The following FGD4 variants were observed in gnomAD, a reference collection of about 807,000 sequenced individuals.
FGD4 encodes the protein FYVE, RhoGEF and PH domain-containing protein 4.
In FGD4, 42 loss-of-function variants were observed where a neutral mutation model predicts 102.0. That is an observed-to-expected ratio of 0.41 (90% confidence interval 0.32 to 0.53). The LOEUF (loss-of-function observed/expected upper bound fraction) is 0.53, where lower values mean the gene tolerates loss of function less well. Ranked by LOEUF, FGD4 falls within the 20% of genes least tolerant of loss-of-function variation. FGD4 has a pLI of 0.21. For missense variants in FGD4, 902 were observed against 1,078.2 expected (o/e 0.84, Z 2.29); for synonymous variants, 380 against 375.7 (o/e 1.01, Z -0.13).
At chr12:32,453,200 T>TTATAGATATATA (rs1555183325) in intron 1 of FGD4, among the ~76,000 whole-genome samples, 2 of 64,590 alleles carry the variant, frequency 3.1e-5, no homozygotes, top group African/African-American at 1.0e-4. Flanking sequence ...TATATATATA[T>TTATAGATATATA]TATATATATA....
chr12:32,448,959 T>C (rs1942697008), intron 1 of FGD4, among the ~76,000 whole-genome samples: 1 of 152,014 alleles, frequency 6.6e-6, no homozygotes, highest in Non-Finnish European at 1.5e-5. Context: ...GAACTAAATG[T>C]TGTATTTTTA....
At chr12:32,625,892 T>A (rs1950135130) in intron 14 of FGD4, 113 bp downstream of exon 14, 1 of 1,450,890 alleles carries the variant, frequency 6.9e-7, no homozygotes, top group African/African-American at 1.4e-5. Context: ...AATAAATTTA[T>A]TTTGGTGCCA....
At position 32,482,117 on chromosome 12, in the gene FGD4, T is replaced by A. The variant is rs572477182; in HGVS notation, c.167-82020T>A. 1.2e-3 allele frequency among the ~76,000 whole-genome samples: 177 copies of A among 152,316 alleles called. 1 individual carries two copies. Among genetic ancestry groups the A allele is most frequent in the African/African-American group, 4.0e-3 (166 of 41,584 alleles). On this transcript the variant is annotated intron_variant, in intron 1 of 16. Coordinates refer to ENST00000534526, the MANE Select transcript of FGD4 (RefSeq NM_001370298.3). Reference sequence around the variant, plus strand: ...TAGAATGGATAAATTAAGCATTTTTTAAAAAAGTGCCGTGACTTTCAAGGC... The same window carrying A: ...TAGAATGGATAAATTAAGCATTTTTAAAAAAAGTGCCGTGACTTTCAAGGC...
chr12:32,578,344 G>A (rs1263243464), intron 3 of FGD4, among the ~76,000 whole-genome samples: 2 of 152,186 alleles, frequency 1.3e-5, no homozygotes, highest in Non-Finnish European at 2.9e-5. Context: ...ACTTAAGTAG[G>A]AGATTTGTAT....
At chr12:32,521,347 G>A (rs1056596211) in intron 1 of FGD4, among the ~76,000 whole-genome samples, 1 of 145,940 alleles carries the variant, frequency 6.9e-6, no homozygotes, top group African/African-American at 2.6e-5. Context: ...CTGCACTCCA[G>A]CCTGGCGACG....
At chr12:32,576,622 A>T (rs1298329788) in intron 3 of FGD4, among the ~76,000 whole-genome samples, 173 bp downstream of exon 3, 1 of 152,224 alleles carries the variant, frequency 6.6e-6, no homozygotes, top group Non-Finnish European at 1.5e-5. Flanking sequence ...TTACCCTAAT[A>T]TGAACTGTCA....
intron 1 of FGD4, among the ~76,000 whole-genome samples, chr12:32,520,434 T>TTTTTG (rs1555193658): frequency 3.5e-5 from 3 of 85,704 alleles, no homozygotes; most frequent in Non-Finnish European, 5.4e-5. Flanking sequence ...GGTTTTTTTG[T>TTTTTG]TTTTTGTTTT....
intron 14 of FGD4, among the ~76,000 whole-genome samples, chr12:32,630,247 T>C (rs1025742375): frequency 3.9e-5 from 6 of 152,236 alleles, no homozygotes; most frequent in African/African-American, 1.4e-4. Context: ...CAGGATCCAG[T>C]CGTATTATAG....
intron 1 of FGD4, among the ~76,000 whole-genome samples, chr12:32,443,545 T>G (rs1309525571): frequency 6.7e-6 from 1 of 149,220 alleles, no homozygotes; most frequent in African/African-American, 2.5e-5. Context: ...TTTTTTTTTT[T>G]TTTTTTTTTT....
chr12:32,514,183 C>T (rs192885087), intron 1 of FGD4, among the ~76,000 whole-genome samples: 168 of 152,260 alleles, frequency 1.1e-3, no homozygotes, highest in South Asian at 8.3e-4. Flanking sequence ...CTTAGAAAAA[C>T]TAATGGATAT....
intron 1 of FGD4, among the ~76,000 whole-genome samples, chr12:32,513,452 T>C (rs757786833): frequency 7.9e-5 from 12 of 152,186 alleles, no homozygotes; most frequent in Non-Finnish European, 1.6e-4. Flanking sequence ...CTCTCTGAAA[T>C]TTTTAAGCTG....
intron 1 of FGD4, among the ~76,000 whole-genome samples, chr12:32,537,703 A>G (rs1163113053): frequency 6.6e-6 from 1 of 152,044 alleles, no homozygotes; most frequent in Non-Finnish European, 1.5e-5. Context: ...GGATTTTTGT[A>G]GTTTTACACT....
At chr12:32,609,390 G>C (rs767890412) in intron 8 of FGD4, among the ~76,000 whole-genome samples, 1 of 152,062 alleles carries the variant, frequency 6.6e-6, no homozygotes, top group South Asian at 2.1e-4. Context: ...ATCTAGTGGT[G>C]GGGGTGGAGG....
chr12:32,409,291 C>CTTTTTTTTT (rs34814176), intron 1 of FGD4, among the ~76,000 whole-genome samples: 16 of 132,000 alleles, frequency 1.2e-4, no homozygotes, highest in South Asian at 4.8e-4. Context: ...TCTTTTTTTT[C>CTTTTTTTTT]TTTTTTTTTT....
rs78803372 is a variant in FGD4 at position 32,627,907 on chromosome 12, G to A, written c.2172+2128G>A. 2.5e-3 allele frequency among the ~76,000 whole-genome samples: 386 copies of A among 152,210 alleles called. 4 individuals are homozygous for A. The highest frequency in any genetic ancestry group is 8.1e-3 in the African/African-American group (338 of 41,536). ...CGGGGTCAGTGGACAGAAGAATTTC[G>A]GTAAGTTCAGAGATGTATGGTAGCG... On this transcript the variant is annotated intron_variant, in intron 14 of 16. Coordinates refer to ENST00000534526, the MANE Select transcript of FGD4 (RefSeq NM_001370298.3).
At chr12:32,605,948 G>A (rs1344999646) in intron 7 of FGD4, among the ~76,000 whole-genome samples, 1 of 152,178 alleles carries the variant, frequency 6.6e-6, no homozygotes, top group Non-Finnish European at 1.5e-5. Context: ...TCTGTACAAT[G>A]TCTGTCTTCT....
intron 1 of FGD4, among the ~76,000 whole-genome samples, chr12:32,450,713 CGTACACATT>C: frequency 6.6e-6 from 1 of 152,328 alleles, no homozygotes. Context: ...TTCATACACA[CGTACACATT>C]TACATGTTGT....
At chr12:32,549,156 T>C (rs767454489) in intron 1 of FGD4, among the ~76,000 whole-genome samples, 2 of 152,242 alleles carry the variant, frequency 1.3e-5, no homozygotes, top group Non-Finnish European at 2.9e-5. Context: ...GCCTCTGATA[T>C]GCCCACTAGT....
chr12:32,410,939 T>TC (rs988164274), intron 1 of FGD4, among the ~76,000 whole-genome samples: 4 of 149,496 alleles, frequency 2.7e-5, no homozygotes, highest in African/African-American at 9.9e-5. Context: ...TTCTTTTTTT[T>TC]TTTTTTTTTG....
Sources: allele counts gnomAD v4.1 joint callset (sites outside exome capture counted in the v4.1 genomes callset), GRCh38; gene constraint gnomAD v4.1.1; transcripts MANE v1.5; gene names NCBI Gene and HGNC (gene_info 2026-07-23, HGNC 2026-07-21).